PRDM1: variants seen among roughly 807,000 people sequenced by gnomAD.
PRDM1 encodes PR domain zinc finger protein 1.
A neutral mutation model predicts 62.8 loss-of-function variants in PRDM1; 13 were observed. The ratio of observed to expected loss-of-function variants is 0.21; its 90% CI spans 0.13 to 0.33. The LOEUF (loss-of-function observed/expected upper bound fraction) is 0.33, where lower values mean the gene tolerates loss of function less well. Among genes scored for constraint, PRDM1 ranks in the 10% least tolerant of loss-of-function variants. The pLI, the probability that PRDM1 is intolerant of heterozygous loss-of-function variation, is 1.00. For missense variants in PRDM1, 895 were observed against 1,058.8 expected (o/e 0.85, Z 2.15); for synonymous variants, 396 against 417.6 (o/e 0.95, Z 0.63).
intron 2 of PRDM1, among the ~76,000 whole-genome samples, chr6:106,092,714 C>T (rs2114626292): frequency 6.6e-6 from 1 of 152,236 alleles, no homozygotes; most frequent in East Asian, 1.9e-4. Context: ...TAAAAACAAT[C>T]CTGGTTCCTG....
At chr6:106,067,533 T>C (rs997863411) in intron 1 of PRDM1, among the ~76,000 whole-genome samples, 8 of 152,168 alleles carry the variant, frequency 5.3e-5, no homozygotes, top group African/African-American at 1.2e-4. Context: ...AGATGCAATA[T>C]AAGACATAAA....
At chr6:106,099,744 A>G (rs562773977) in intron 4 of PRDM1, 192 bp downstream of exon 4, 17 of 682,690 alleles carry the variant, frequency 2.5e-5, no homozygotes, top group African/African-American at 1.4e-4. Context: ...TGATCATTTA[A>G]AAGTATATAT....
chr6:106,099,102 A>T, intron 3 of PRDM1, 198 bp from the exon 4 acceptor site: 1 of 1,614,086 alleles, frequency 6.2e-7, no homozygotes, highest in South Asian at 1.1e-5. Context: ...AAGGTAACTG[A>T]CAAAAGTGTG....
intron 1 of PRDM1, among the ~76,000 whole-genome samples, chr6:106,073,105 C>CTTTTTTTT (rs202236727): frequency 4.4e-5 from 6 of 137,650 alleles, no homozygotes; most frequent in African/African-American, 1.1e-4. Context: ...TTCCTCTTTT[C>CTTTTTTTT]TTTTTTTTTT....
chr6:106,091,062 T>C (rs1224184830), intron 2 of PRDM1, among the ~76,000 whole-genome samples: 2 of 152,228 alleles, frequency 1.3e-5, no homozygotes, highest in Non-Finnish European at 2.9e-5. Context: ...TTTAAACTGA[T>C]GGGTTATTCT....
rs9486265 is a variant in PRDM1 at position 106,024,689 on chromosome 6, G to A, written c.-67+31050G>A. On this transcript the variant is annotated intron_variant, in intron 1 of 6. Transcript: ENST00000652320. ...TCTGAATCTTTTTCAGGCCAGGAGA[G>A]GACAAACAAAGGCACTGGTTTTTCT... Among the ~76,000 whole-genome samples the A allele has an allele frequency of 8.0e-3, 1,212 of 152,224 alleles. 14 individuals are homozygous for A. Among genetic ancestry groups the A allele is most frequent in the African/African-American group, 0.028 (1,174 of 41,520 alleles).
chr6:105,993,458 T>A (rs1303789338), upstream of PRDM1, among the ~76,000 whole-genome samples: 1 of 152,194 alleles, frequency 6.6e-6, no homozygotes, highest in Non-Finnish European at 1.5e-5. Flanking sequence ...TGCTTTGACG[T>A]TTCTCCTCGG....
intron 1 of PRDM1, 154 bp from the exon 2 acceptor site, chr6:106,088,047 A>T: frequency 1.5e-6 from 1 of 647,416 alleles, no homozygotes; most frequent in Non-Finnish European, 2.2e-6. Flanking sequence ...AAGGCAGTTT[A>T]CTTTATACGG....
At chr6:106,059,613 T>A (rs1773315596) in intron 1 of PRDM1, among the ~76,000 whole-genome samples, 1 of 152,150 alleles carries the variant, frequency 6.6e-6, no homozygotes, top group Non-Finnish European at 1.5e-5. Flanking sequence ...ATGATGTGAT[T>A]TATGCTTTCA....
intron 2 of PRDM1, 143 bp downstream of exon 2, chr6:106,088,592 AT>A: frequency 1.1e-6 from 1 of 913,050 alleles, no homozygotes; most frequent in Non-Finnish European, 1.6e-6. Context: ...CAATTCTTGC[AT>A]TGCTTTCTCT....
At chr6:106,074,846 C>T (rs918666867) in intron 1 of PRDM1, among the ~76,000 whole-genome samples, 12 of 152,248 alleles carry the variant, frequency 7.9e-5, no homozygotes, top group African/African-American at 1.9e-4. Context: ...TAGTGGCACG[C>T]GCCTGTGTTC....
intron 1 of PRDM1, chr6:106,087,614 A>C (rs1773842649): frequency 4.3e-6 from 1 of 232,408 alleles, no homozygotes; most frequent in Admixed American, 5.6e-5. Context: ...GATGAAAGAG[A>C]GCTCGCAGCA....
rs1227783243 is a variant in PRDM1 at position 106,038,014 on chromosome 6, CTTTTT to C, written c.-67+44391_-67+44395del. The stretch of plus-strand genomic sequence containing the variant: ...CTTTCCTATGGTTTGCTATTTTTGT[CTTTTT>C]TTTTTTTTTTTTTTTGAGACAGAGT... On this transcript the variant is annotated intron_variant, in intron 1 of 6. Coordinates refer to the PRDM1 transcript ENST00000652320. Among the ~76,000 whole-genome samples the C allele has an allele frequency of 2.9e-4, 14 of 47,794 alleles. 1 individual carries two copies. In the East Asian group the frequency reaches 5.4e-3, roughly 19 times the overall value. The allele number at this position is 47,794 out of a possible 152,430, so 31.4% of individuals were successfully genotyped here.
At chr6:106,099,997 A>G (rs979848614) in intron 4 of PRDM1, 2 of 155,538 alleles carry the variant, frequency 1.3e-5, no homozygotes, top group African/African-American at 4.8e-5. Flanking sequence ...GATCATTGCT[A>G]GAAAAACTTT....
intron 1 of PRDM1, among the ~76,000 whole-genome samples, chr6:106,035,625 C>T (rs1383322395): frequency 6.6e-6 from 1 of 151,612 alleles, no homozygotes; most frequent in Non-Finnish European, 1.5e-5. Context: ...AGAGAGAGAC[C>T]CTGTCTCAAA....
chr6:106,042,971 C>G (rs187636293), intron 1 of PRDM1, among the ~76,000 whole-genome samples: 1 of 152,340 alleles, frequency 6.6e-6, no homozygotes, highest in Admixed American at 6.5e-5. Flanking sequence ...CTGCCTCAGC[C>G]TCCCGAGTAG....
chr6:106,033,418 C>T (rs1338774794), intron 1 of PRDM1, among the ~76,000 whole-genome samples: 3 of 151,428 alleles, frequency 2.0e-5, no homozygotes, highest in African/African-American at 7.3e-5. Context: ...ATCCCAAATG[C>T]GTTGGGATTA....
intron 1 of PRDM1, among the ~76,000 whole-genome samples, chr6:106,009,428 T>G (rs1361007298): frequency 6.6e-6 from 1 of 152,216 alleles, no homozygotes; most frequent in Non-Finnish European, 1.5e-5. Context: ...GGGTTAGTAG[T>G]TAGCATTCCT....
intron 2 of PRDM1, among the ~76,000 whole-genome samples, chr6:106,092,730 C>T (rs1773997724): frequency 6.6e-6 from 1 of 152,066 alleles, no homozygotes; most frequent in African/African-American, 2.4e-5. Flanking sequence ...TCCTGTTCCC[C>T]CTCCAAAGTT....
Sources: gnomAD v4.1 joint callset for allele counts (sites outside exome capture counted in the v4.1 genomes callset) on GRCh38, gnomAD v4.1.1 for gene constraint, MANE v1.5 for transcripts, NCBI Gene and HGNC (gene_info 2026-07-23, HGNC 2026-07-21) for gene names.